Variants in ARHGAP28 observed in about 807,000 individuals in gnomAD.
The protein encoded by ARHGAP28 is Rho GTPase activating protein 28.
A neutral mutation model predicts 90.7 loss-of-function variants in ARHGAP28; 56 were observed. The observed-to-expected ratio is 0.62, with a 90% confidence interval of 0.50 to 0.77. The LOEUF is 0.77. Among genes scored for constraint, ARHGAP28 ranks in the 30% least tolerant of loss-of-function variants. The pLI is 0.00. For missense variants in ARHGAP28, 869 were observed against 900.9 expected, an observed-to-expected ratio of 0.96 and a Z score of 0.45; for synonymous variants, 308 against 323.3, an observed-to-expected ratio of 0.95 and a Z score of 0.51.
intron 16 of ARHGAP28, among the ~76,000 whole-genome samples, chr18:6,900,239 A>G (rs145650006): frequency 9.8e-5 from 15 of 152,298 alleles, no homozygotes; most frequent in Admixed American, 5.2e-4. Flanking sequence ...GAGTCTCAAC[A>G]TATCATATCC....
intron 16 of ARHGAP28, among the ~76,000 whole-genome samples, chr18:6,898,925 G>T (rs2057323658): frequency 6.6e-6 from 1 of 151,580 alleles, no homozygotes; most frequent in Non-Finnish European, 1.5e-5. Context: ...ACTATAAATT[G>T]GGTTCAGTGT....
chr18:6,876,230 C>CG (rs2057130076), intron 10 of ARHGAP28, 22 bp downstream of exon 10: 3 of 1,600,338 alleles, frequency 1.9e-6, no homozygotes, highest in Non-Finnish European at 2.6e-6. Flanking sequence ...TTTGTCTCTT[C>CG]CTAGGTAGAG....
intron 5 of ARHGAP28, among the ~76,000 whole-genome samples, chr18:6,862,407 TTGTAAAA>T (rs1388238951): frequency 6.6e-6 from 1 of 152,200 alleles, no homozygotes; most frequent in African/African-American, 2.4e-5. Flanking sequence ...GGAATTTATG[TTGTAAAA>T]TGGTAAAAGA....
At chr18:6,855,261 G>T (rs1043451014) in intron 4 of ARHGAP28, among the ~76,000 whole-genome samples, 8 of 152,186 alleles carry the variant, frequency 5.3e-5, no homozygotes, top group African/African-American at 1.9e-4. Flanking sequence ...GGACTCCATT[G>T]ATGACCATTC....
chr18:6,818,500 G>C (rs933009305), intron 1 of ARHGAP28, among the ~76,000 whole-genome samples: 1 of 152,120 alleles, frequency 6.6e-6, no homozygotes, highest in Non-Finnish European at 1.5e-5. Context: ...CTATATTCTA[G>C]TGGGGAAAAT....
At chr18:6,824,728 C>T (rs1323023216) in intron 1 of ARHGAP28, 34 bp from the exon 2 acceptor site, 1 of 1,469,030 alleles carries the variant, frequency 6.8e-7, no homozygotes, top group South Asian at 1.3e-5. Flanking sequence ...AAAATATAAC[C>T]CGTTTTTATT....
chr18:6,816,746 C>A (rs2056593571), intron 1 of ARHGAP28, among the ~76,000 whole-genome samples: 1 of 152,068 alleles, frequency 6.6e-6, no homozygotes, highest in Non-Finnish European at 1.5e-5. Flanking sequence ...AAAGCCAGAC[C>A]AAGACATGGG....
chr18:6,748,542 T>G (rs1486066520), intron 1 of ARHGAP28, among the ~76,000 whole-genome samples: 6 of 152,174 alleles, frequency 3.9e-5, no homozygotes, highest in Non-Finnish European at 8.8e-5. Flanking sequence ...CTTGGATGTT[T>G]CTGGCTGATG....
Position 6,837,316 on chromosome 18 carries a change from G to A in ARHGAP28, c.445G>A (p.Val149Met), listed in dbSNP as rs1458479518. The A allele has an allele frequency of 2.5e-6, 4 of 1,613,460 alleles. No individual in the cohort carries two copies. The highest frequency in any genetic ancestry group is 1.3e-5 in the African/African-American group (1 of 74,806). ...STLTRTQAAA[V>M]QKRYHTYTQT... ...ATTGACTCGAACCCAAGCAGCTGCC[G>A]TGCAAAAGAGATACCATACCTATAC... The change falls in exon 3 of 18, where the codon GTG becomes ATG. Residue 149 changes from valine (V) to methionine (M), a missense_variant. By Grantham distance (21) the Val-to-Met change is conservative. Coordinates refer to ENST00000383472, the MANE Select transcript of ARHGAP28 (RefSeq NM_001366230.1).
intron 1 of ARHGAP28, among the ~76,000 whole-genome samples, chr18:6,731,800 G>A (rs1307220536): frequency 6.6e-6 from 1 of 152,150 alleles, no homozygotes; most frequent in African/African-American, 2.4e-5. Flanking sequence ...GAAATAATCA[G>A]GCCCAAGTTA....
At chr18:6,810,997 T>C (rs2056552111) in intron 1 of ARHGAP28, among the ~76,000 whole-genome samples, 1 of 152,144 alleles carries the variant, frequency 6.6e-6, no homozygotes, top group Non-Finnish European at 1.5e-5. Context: ...GAAATTTCTG[T>C]GTGATTAGGG....
Position 6,844,308 on chromosome 18 carries a change from A to G in ARHGAP28, c.544-6726A>G, listed in dbSNP as rs185202789. On this transcript the variant is annotated intron_variant, in intron 3 of 17. Coordinates refer to ENST00000383472, the MANE Select transcript of ARHGAP28 (RefSeq NM_001366230.1). Reference sequence around the variant, plus strand: ...GATGTAGGTGGTGTTATTCCCTACCATGAATCCAGTTTCTTTTTGTCTTTC... The same window carrying G: ...GATGTAGGTGGTGTTATTCCCTACCGTGAATCCAGTTTCTTTTTGTCTTTC... Among the ~76,000 whole-genome samples the G allele has an allele frequency of 1.5e-3, 221 of 152,342 alleles. 1 individual carries two copies. The highest frequency in any genetic ancestry group is 4.9e-3 in the African/African-American group (205 of 41,582).
intron 1 of ARHGAP28, among the ~76,000 whole-genome samples, chr18:6,817,092 A>G (rs2056596133): frequency 6.6e-6 from 1 of 151,688 alleles, no homozygotes. Flanking sequence ...TCTTAAAAAA[A>G]AAAAAAAAGT....
intron 9 of ARHGAP28, among the ~76,000 whole-genome samples, chr18:6,874,312 T>C (rs866123797): frequency 2.6e-5 from 4 of 152,262 alleles, no homozygotes; most frequent in Non-Finnish European, 4.4e-5. Context: ...CCGGTGTGTC[T>C]GGGCAGATAG....
intron 3 of ARHGAP28, among the ~76,000 whole-genome samples, chr18:6,845,271 G>C (rs1367722): frequency 1.3e-5 from 2 of 151,846 alleles, no homozygotes; most frequent in Admixed American, 1.3e-4. Context: ...TAGAGATGAG[G>C]TCTCATTATG....
At chr18:6,819,734 G>A (rs2056614495) in intron 1 of ARHGAP28, among the ~76,000 whole-genome samples, 1 of 152,204 alleles carries the variant, frequency 6.6e-6, no homozygotes, top group Admixed American at 6.5e-5. Flanking sequence ...AGAGATCTCT[G>A]TAGTCCCATG....
At chr18:6,783,472 T>G (rs1344888782) in intron 1 of ARHGAP28, among the ~76,000 whole-genome samples, 2 of 141,080 alleles carry the variant, frequency 1.4e-5, no homozygotes, top group South Asian at 2.1e-4. Flanking sequence ...TGGCTAATTT[T>G]GTATTTTTAG....
chr18:6,751,231 A>G (rs2056066523), intron 1 of ARHGAP28, among the ~76,000 whole-genome samples: 1 of 152,152 alleles, frequency 6.6e-6, no homozygotes, highest in African/African-American at 2.4e-5. Flanking sequence ...AACATAGAAA[A>G]TGATACACCA....
At chr18:6,732,152 T>C (rs1459119546) in intron 1 of ARHGAP28, among the ~76,000 whole-genome samples, 5 of 152,184 alleles carry the variant, frequency 3.3e-5, no homozygotes, top group Admixed American at 3.3e-4. Context: ...AGTATCTTTC[T>C]ATTTGGTCAT....
Sources: gnomAD v4.1 joint callset for allele counts (sites outside exome capture counted in the v4.1 genomes callset) on GRCh38, gnomAD v4.1.1 for gene constraint, MANE v1.5 for transcripts, NCBI Gene and HGNC (gene_info 2026-07-23, HGNC 2026-07-21) for gene names.